The following SATB2 variants were observed in gnomAD, a reference collection of about 807,000 sequenced individuals.
SATB2 encodes DNA-binding protein SATB2.
Under a neutral mutation model 73.4 loss-of-function variants are expected in SATB2, and 1 was observed. The observed-to-expected ratio is 0.01, with a 90% CI of 0.00 to 0.06. SATB2 has a LOEUF of 0.06. Ranked by LOEUF, SATB2 falls within the 10% of genes least tolerant of loss-of-function variation. The pLI is 1.00. For synonymous variants in SATB2, 397 were observed against 367.0 expected, an observed-to-expected ratio of 1.08 and a Z score of -0.93; for missense variants, 459 against 945.8, an observed-to-expected ratio of 0.49 and a Z score of 6.75.
chr2:199,429,350 C>T (rs1205294037), intron 3 of SATB2, among the ~76,000 whole-genome samples: 1 of 152,110 alleles, frequency 6.6e-6, no homozygotes, highest in African/African-American at 2.4e-5. Flanking sequence ...TAATACATTG[C>T]CTTCATCCTT....
chr2:199,451,833 A>T lies in SATB2; in HGVS notation c.169+4036T>A, dbSNP rs182460162. On this transcript the variant is annotated intron_variant, in intron 2 of 10. Coordinates refer to ENST00000417098, the MANE Select transcript of SATB2 (RefSeq NM_001172509.2). ...ATCACATTTGCTTCCCTATTTGAAT[A>T]CATCAGTGTGTACTGCATAATGATT... Among the ~76,000 whole-genome samples, 349 of 146,242 alleles carry T rather than the reference A, an allele frequency of 2.4e-3. 1 individual carries two copies. The highest frequency in any genetic ancestry group is 4.5e-3 in the East Asian group (22 of 4,836).
rs974611133 is a variant in SATB2 at position 199,464,362 on chromosome 2, G to A, written c.-141+474C>T. 1.3e-5 allele frequency among the ~76,000 whole-genome samples: 2 copies of A among 152,176 alleles called. No homozygotes were observed. The highest frequency in any genetic ancestry group is 2.4e-5 in the African/African-American group (1 of 41,434). On this transcript the variant is annotated intron_variant, in intron 1 of 11. Transcript: ENST00000260926. The surrounding 1 kb of genome is among the most constrained non-coding windows in gnomAD (Gnocchi z 6.6). ...TCGGGCTTAGAGGACTTCACTGGGC[G>A]GGTTGGGGTTTATTTTCAATAAATT...
intron 3 of SATB2, among the ~76,000 whole-genome samples, chr2:199,422,029 T>C (rs769475764): frequency 1.3e-5 from 2 of 152,216 alleles, no homozygotes; most frequent in Non-Finnish European, 2.9e-5. Flanking sequence ...CATTAATAGA[T>C]AATCAAGAGA....
At chr2:199,289,395 G>C (rs1050577152) in intron 10 of SATB2, among the ~76,000 whole-genome samples, 1 of 152,082 alleles carries the variant, frequency 6.6e-6, no homozygotes, top group Non-Finnish European at 1.5e-5. Context: ...AAAGTAACTG[G>C]ACTAGTAACT....
intron 1 of SATB2, 108 bp from the exon 2 acceptor site, chr2:199,456,204 A>G (rs1028723206): frequency 2.8e-6 from 2 of 725,568 alleles, no homozygotes; most frequent in Non-Finnish European, 4.7e-6. Context: ...CCACAGCCAC[A>G]CAAACTTCCT....
intron 3 of SATB2, among the ~76,000 whole-genome samples, chr2:199,399,535 C>T (rs1690406740): frequency 6.6e-6 from 1 of 152,082 alleles, no homozygotes; most frequent in African/African-American, 2.4e-5. Context: ...CACATTGCTA[C>T]AAAGAAATAC....
At chr2:199,333,342 G>C (rs1299245538) in intron 7 of SATB2, among the ~76,000 whole-genome samples, 1 of 152,044 alleles carries the variant, frequency 6.6e-6, no homozygotes, top group Non-Finnish European at 1.5e-5. Flanking sequence ...ATGCAAGCCA[G>C]AACTAGTGTC....
intron 2 of SATB2, among the ~76,000 whole-genome samples, chr2:199,436,080 T>C (rs1027681566): frequency 3.9e-5 from 6 of 152,166 alleles, no homozygotes; most frequent in African/African-American, 1.4e-4. Flanking sequence ...GTGTCACACA[T>C]CTGGGAATCA....
intron 3 of SATB2, among the ~76,000 whole-genome samples, chr2:199,432,984 T>A (rs1260179598): frequency 6.6e-6 from 1 of 152,122 alleles, no homozygotes; most frequent in African/African-American, 2.4e-5. Context: ...AAGCAATAAA[T>A]AAATTTGGAA....
intron 2 of SATB2, among the ~76,000 whole-genome samples, chr2:199,442,781 AG>A (rs1295802405): frequency 1.3e-5 from 2 of 152,170 alleles, no homozygotes; most frequent in African/African-American, 4.8e-5. Context: ...AAAAATAGAA[AG>A]GAAAAAAACA....
intron 7 of SATB2, among the ~76,000 whole-genome samples, chr2:199,336,414 C>A (rs1688339961): frequency 6.6e-6 from 1 of 151,974 alleles, no homozygotes; most frequent in Admixed American, 6.6e-5. Context: ...GGCAACCTGC[C>A]CCAAAAATTT....
At chr2:199,458,391 C>T (rs765777661), upstream of SATB2, 7 of 332,104 alleles carry the variant, frequency 2.1e-5, no homozygotes, top group South Asian at 1.3e-4. Flanking sequence ...AGTCGGCGGT[C>T]GGAGCGGGGT....
chr2:199,411,284 C>A (rs987126926), intron 3 of SATB2, among the ~76,000 whole-genome samples: 1 of 151,982 alleles, frequency 6.6e-6, no homozygotes, highest in East Asian at 1.9e-4. Context: ...TCCATCCTTA[C>A]AAGCAGAATG....
At chr2:199,428,349 T>C (rs1324097661) in intron 3 of SATB2, among the ~76,000 whole-genome samples, 1 of 152,236 alleles carries the variant, frequency 6.6e-6, no homozygotes, top group East Asian at 1.9e-4. Flanking sequence ...AAATGAAATA[T>C]ATAAACATCA....
chr2:199,458,400 G>A (rs1246491066), upstream of SATB2: 2 of 355,998 alleles, frequency 5.6e-6, no homozygotes, highest in Non-Finnish European at 5.6e-6. Context: ...TCGGAGCGGG[G>A]TGACGAGGAC....
chr2:199,420,315 A>G (rs1228597643), intron 3 of SATB2, among the ~76,000 whole-genome samples: 1 of 152,230 alleles, frequency 6.6e-6, no homozygotes, highest in Non-Finnish European at 1.5e-5. Flanking sequence ...TAGCATTATC[A>G]TTAGCAACAA....
chr2:199,461,659 T>G (rs1465975104), upstream of SATB2, among the ~76,000 whole-genome samples: 1 of 152,240 alleles, frequency 6.6e-6, no homozygotes, highest in Admixed American at 6.5e-5. Flanking sequence ...GGGAATCTGC[T>G]CAGACTTTTC....
chr2:199,368,710 G>GAA lies in SATB2; in HGVS notation c.598-5_598-4dup. ...TTTACAATGGATGAAATCATACTCT[G>GAA]AAAAAAAAAATTATAGTTATTTTTT... is the stretch of plus-strand genomic sequence containing the variant. On this transcript the variant is annotated splice_polypyrimidine_tract_variant and splice_region_variant and intron_variant, in intron 5 of 10. Transcript: ENST00000417098. The GAA allele has an allele frequency of 1.3e-5, 19 of 1,468,044 alleles. No homozygotes were observed. The highest frequency in any genetic ancestry group is 1.7e-5 in the Non-Finnish European group (18 of 1,068,116). The allele number at this position is 1,468,044 out of a possible 1,614,324, so 90.9% of individuals were successfully genotyped here.
At position 199,328,726 on chromosome 2, in the gene SATB2, C is replaced by A; in HGVS notation, c.1358G>T (p.Ser453Ile). ...AGGGGTTCGGGAGGAGCTGGGACTG[C>A]TGGAGGCCGAGGAGACCATGCTCAC... ...PNVSMVSSAS[S>I]SPSSSRTPQA... The change falls in exon 8 of 11, where the codon AGC (serine) becomes ATC (isoleucine). Residue 453 changes from serine to isoleucine, a missense_variant. Around this residue, in one of 13 missense-constraint regions of SATB2, gnomAD observed 53 missense variants for 70.5 expected, o/e 0.75. Transcript: ENST00000417098. 1 of 1,613,360 alleles carries A rather than the reference C, an allele frequency of 6.2e-7. No individual in the cohort carries two copies. The highest frequency in any genetic ancestry group is 1.1e-5 in the South Asian group (1 of 91,050).
Sources: allele counts gnomAD v4.1 joint callset (sites outside exome capture counted in the v4.1 genomes callset), GRCh38; gene constraint gnomAD v4.1.1; regional missense constraint gnomAD v4.1.1; non-coding constraint Gnocchi (gnomAD v3.1); transcripts MANE v1.5; gene names NCBI Gene and HGNC (gene_info 2026-07-23, HGNC 2026-07-21).